The following CNTN4 variants were observed in gnomAD, a reference collection of about 807,000 sequenced individuals.
CNTN4 encodes the protein contactin 4, also known as contactin-4.
CNTN4 carries 77 observed loss-of-function variants against 122.5 expected under a neutral mutation model. The ratio of observed to expected loss-of-function variants is 0.63; its 90% CI spans 0.52 to 0.76. The LOEUF is 0.76. Among genes scored for constraint, CNTN4 ranks in the 30% least tolerant of loss-of-function variants. The probability of loss-of-function intolerance (pLI) is 0.00; values close to 1 mark genes in which losing one functional copy is unlikely to be tolerated. For missense variants in CNTN4, 1,256 were observed against 1,259.1 expected, an observed-to-expected ratio of 1.00 and a Z score of 0.04; for synonymous variants, 512 against 447.0, an observed-to-expected ratio of 1.15 and a Z score of -1.83.
Position 2,331,525 on chromosome 3 carries a change from T to A in CNTN4, c.-144-7653T>A, listed in dbSNP as rs1404842879. Among the ~76,000 whole-genome samples the A allele has an allele frequency of 2.6e-5, 4 of 152,200 alleles. No homozygotes were observed. In the East Asian group the frequency reaches 7.7e-4, roughly 29 times the overall value. On this transcript the variant is annotated intron_variant, in intron 2 of 24. Transcript: ENST00000418658. ...ACTTTGCCAACAAATTACCTTTAGA[T>A]GTAATCACTGATTTAGAGCAATAGA...
At chr3:2,477,223 T>C (rs1023537439) in intron 3 of CNTN4, among the ~76,000 whole-genome samples, 1 of 152,124 alleles carries the variant, frequency 6.6e-6, no homozygotes, top group South Asian at 2.1e-4. Context: ...AGAAAGGGAG[T>C]GGCAGAAAAC....
chr3:2,355,145 A>G (rs1168557232), intron 3 of CNTN4, among the ~76,000 whole-genome samples: 3 of 152,192 alleles, frequency 2.0e-5, no homozygotes, highest in Non-Finnish European at 4.4e-5. Context: ...CCTATTTCTC[A>G]AGTAGCTTCA....
chr3:2,846,213 C>G (rs1041456254), intron 7 of CNTN4, among the ~76,000 whole-genome samples: 7 of 152,098 alleles, frequency 4.6e-5, no homozygotes, highest in Non-Finnish European at 7.3e-5. Context: ...ATTGTAGTTC[C>G]CATAATCCCC....
chr3:2,703,094 CTTA>C lies in CNTN4; in HGVS notation c.56-33116_56-33114del, dbSNP rs536331701. Among the ~76,000 whole-genome samples, 537 of 152,286 alleles carry C rather than the reference CTTA, an allele frequency of 3.5e-3. 2 individuals carry two copies. The highest frequency in any genetic ancestry group is 6.8e-3 in the Middle Eastern group (2 of 294). ...ATCACAGCACTAGGCAATAGTTATTCTTATTATCCTAATTCTACAGAGGACGAA... is the reference window on the plus strand; with the variant it reads ...ATCACAGCACTAGGCAATAGTTATTCTTATCCTAATTCTACAGAGGACGAA... On this transcript the variant is annotated intron_variant, in intron 4 of 24. Coordinates refer to ENST00000418658, the MANE Select transcript of CNTN4 (RefSeq NM_175607.3).
At chr3:2,849,591 C>T (rs1055780781) in intron 7 of CNTN4, among the ~76,000 whole-genome samples, 6 of 152,198 alleles carry the variant, frequency 3.9e-5, no homozygotes, top group Admixed American at 1.3e-4. Context: ...AAGTACTTAT[C>T]CAGCACTTCT....
chr3:2,757,337 A>G (rs72993633), intron 6 of CNTN4, among the ~76,000 whole-genome samples: 4,776 of 152,220 alleles, frequency 0.031, 95 homozygotes, highest in Non-Finnish European at 0.049. Context: ...CCATAGGGCA[A>G]TGATTTGAAG....
At chr3:2,153,212 A>G (rs539555958) in intron 2 of CNTN4, among the ~76,000 whole-genome samples, 4 of 152,326 alleles carry the variant, frequency 2.6e-5, no homozygotes, top group Admixed American at 2.6e-4. Context: ...TACCAATGGT[A>G]TTTAAAACCT....
At chr3:2,735,005 G>A (rs1047532205) in intron 4 of CNTN4, among the ~76,000 whole-genome samples, 4 of 152,072 alleles carry the variant, frequency 2.6e-5, no homozygotes, top group Admixed American at 2.6e-4. Flanking sequence ...TCAAAGTAAA[G>A]CAGATTCTTA....
rs867616921 is a variant in CNTN4 at position 2,366,653 on chromosome 3, G to T, written c.-89+27420G>T. The stretch of plus-strand genomic sequence containing the variant: ...GAGGCAGGAGAATCACTTGAACCCG[G>T]GAGGCGGAGCTTGCAGTGAGCCGAG... On this transcript the variant is annotated intron_variant, in intron 3 of 24. Transcript: ENST00000418658. Among the ~76,000 whole-genome samples the T allele has an allele frequency of 1.1e-4, 17 of 152,032 alleles. No homozygotes were observed. The South Asian group carries it at 3.3e-3, about 30-fold the overall frequency.
intron 2 of CNTN4, among the ~76,000 whole-genome samples, chr3:2,335,932 T>C (rs1170955285): frequency 6.6e-6 from 1 of 152,166 alleles, no homozygotes; most frequent in Non-Finnish European, 1.5e-5. Flanking sequence ...AGCATACATT[T>C]AAGGAGCACC....
At chr3:2,424,675 C>A (rs1370959366) in intron 3 of CNTN4, among the ~76,000 whole-genome samples, 2 of 152,184 alleles carry the variant, frequency 1.3e-5, no homozygotes, top group Non-Finnish European at 2.9e-5. Context: ...AGTTTACAGT[C>A]CCACCAACAG....
At chr3:2,690,265 C>G (rs570634874) in intron 4 of CNTN4, among the ~76,000 whole-genome samples, 2 of 152,220 alleles carry the variant, frequency 1.3e-5, no homozygotes, top group East Asian at 3.9e-4. Flanking sequence ...AATTGCTCCC[C>G]TTTTGGGTAC....
chr3:2,572,609 C>T (rs2079474919), intron 4 of CNTN4, among the ~76,000 whole-genome samples: 1 of 152,114 alleles, frequency 6.6e-6, no homozygotes, highest in Non-Finnish European at 1.5e-5. Context: ...TTCAGAGTGT[C>T]AAGTCCAAGA....
At position 2,767,576 on chromosome 3, in the gene CNTN4, C is replaced by A. The variant is rs564327452; in HGVS notation, c.358+21879C>A. Among the ~76,000 whole-genome samples, 15 of 152,116 alleles carry A rather than the reference C, an allele frequency of 9.9e-5. 1 individual carries two copies. Among genetic ancestry groups the A allele is most frequent in the African/African-American group, 3.4e-4 (14 of 41,488 alleles). On this transcript the variant is annotated intron_variant, in intron 6 of 24. Transcript: ENST00000418658. ...TTTTTAAATTTTCAGTTAGTTGCCC[C>A]ATTGACAGACAATAGAGATAACAGT...
intron 2 of CNTN4, among the ~76,000 whole-genome samples, chr3:2,125,927 G>GTA (rs1491283625): frequency 7.4e-6 from 1 of 135,114 alleles, no homozygotes; most frequent in African/African-American, 2.7e-5. Context: ...GTGTGTGTGT[G>GTA]TATGTGTGTA....
At chr3:3,023,885 T>C (rs1698500594) in intron 14 of CNTN4, among the ~76,000 whole-genome samples, 1 of 152,212 alleles carries the variant, frequency 6.6e-6, no homozygotes. Flanking sequence ...CATGTGGACA[T>C]CGTGTTTTCA....
intron 6 of CNTN4, among the ~76,000 whole-genome samples, chr3:2,770,599 A>G (rs970657956): frequency 1.3e-5 from 2 of 152,236 alleles, no homozygotes; most frequent in Non-Finnish European, 2.9e-5. Context: ...GCTTCTACAC[A>G]TGCATCACTG....
intron 4 of CNTN4, among the ~76,000 whole-genome samples, chr3:2,724,287 C>A (rs990459275): frequency 6.6e-6 from 1 of 152,084 alleles, no homozygotes; most frequent in African/African-American, 2.4e-5. Flanking sequence ...ATTAAAATAC[C>A]AATGTCCCAC....
At chr3:3,038,867 GC>G in intron 18 of CNTN4, 65 bp from the exon 19 acceptor site, 1 of 1,380,352 alleles carries the variant, frequency 7.2e-7, no homozygotes, top group Non-Finnish European at 1.0e-6. Context: ...CCTCTGCCAG[GC>G]AACCTTCCTG....
Sources: gnomAD v4.1 joint callset for allele counts (sites outside exome capture counted in the v4.1 genomes callset) on GRCh38, gnomAD v4.1.1 for gene constraint, MANE v1.5 for transcripts, NCBI Gene and HGNC (gene_info 2026-07-23, HGNC 2026-07-21) for gene names.